The following ACOT12 variants were observed in gnomAD, a reference collection of about 807,000 sequenced individuals.
The protein encoded by ACOT12 is acetyl-coenzyme A thioesterase.
A neutral mutation model predicts 67.7 loss-of-function variants in ACOT12; 51 were observed. The observed-to-expected ratio is 0.75, with a 90% CI of 0.60 to 0.95. The LOEUF (loss-of-function observed/expected upper bound fraction) is 0.95. Ranked by LOEUF, ACOT12 falls within the 40% of genes least tolerant of loss-of-function variation. The probability of loss-of-function intolerance (pLI) is 0.00; values close to 1 mark genes in which losing one functional copy is unlikely to be tolerated. For synonymous variants in ACOT12, 251 were observed against 244.6 expected, an observed-to-expected ratio of 1.03 and a Z score of -0.24; for missense variants, 734 against 708.1, an observed-to-expected ratio of 1.04 and a Z score of -0.41.
At chr5:81,367,484 GATATT>G (rs1352827327) in intron 3 of ACOT12, among the ~76,000 whole-genome samples, 1 of 152,070 alleles carries the variant, frequency 6.6e-6, no homozygotes, top group Non-Finnish European at 1.5e-5. Context: ...TACTCAAAGG[GATATT>G]ATATTATTCG....
intron 4 of ACOT12, 135 bp downstream of exon 4, chr5:81,363,653 A>G: frequency 1.8e-6 from 1 of 569,284 alleles, no homozygotes; most frequent in East Asian, 3.2e-5. Flanking sequence ...TGCAATAAAT[A>G]TTGGTGAATA....
At chr5:81,321,177 G>A in the ACOT12 span, among the ~76,000 whole-genome samples, 1 of 152,138 alleles carries the variant, frequency 6.6e-6, no homozygotes. Flanking sequence ...GATTGCTTGA[G>A]CCTAGGAGGT....
the ACOT12 span, among the ~76,000 whole-genome samples, chr5:81,322,771 G>A: frequency 2.0e-5 from 3 of 152,176 alleles, no homozygotes; most frequent in Admixed American, 1.3e-4. Context: ...AGGCAAAGCA[G>A]AAGCAGGCAC....
At chr5:81,393,912 C>G (rs1760930802) in intron 1 of ACOT12, 76 bp downstream of exon 1, 16 of 873,246 alleles carry the variant, frequency 1.8e-5, no homozygotes, top group East Asian at 3.8e-5. Context: ...CGCCTTCCTA[C>G]CCCCCCCAGC....
intron 11 of ACOT12, among the ~76,000 whole-genome samples, chr5:81,337,966 C>A (rs781745857): frequency 6.6e-6 from 1 of 152,200 alleles, no homozygotes; most frequent in African/African-American, 2.4e-5. Context: ...TTGACTTATC[C>A]AATGTCAGGT....
intron 5 of ACOT12, among the ~76,000 whole-genome samples, chr5:81,353,609 C>A (rs1174794259): frequency 6.6e-6 from 1 of 152,168 alleles, no homozygotes; most frequent in African/African-American, 2.4e-5. Context: ...AAAATGCTTT[C>A]AAATTTTAAG....
intron 3 of ACOT12, among the ~76,000 whole-genome samples, chr5:81,365,080 G>A (rs1214660479): frequency 6.6e-6 from 1 of 152,270 alleles, no homozygotes; most frequent in Non-Finnish European, 1.5e-5. Flanking sequence ...CTGAAGCTTG[G>A]TCCTCAGGAT....
chr5:81,330,281 G>T lies in ACOT12; in HGVS notation c.*113C>A. 1.6e-6 allele frequency: 2 copies of T among 1,220,612 alleles called. No individual in the cohort carries two copies. Among genetic ancestry groups the T allele is most frequent in the Non-Finnish European group, 2.2e-6 (2 of 898,478 alleles). The allele number at this position is 1,220,612 out of a possible 1,614,324, so 75.6% of individuals were successfully genotyped here. On this transcript the variant is annotated 3_prime_UTR_variant, in exon 15 of 15. Transcript: ENST00000307624. Reference sequence around the variant, plus strand: ...TTTTTTAACTCCGTCACTGCATTTTGCTTAGGGTTATATTAAATTATTTTG... The same window carrying T: ...TTTTTTAACTCCGTCACTGCATTTTTCTTAGGGTTATATTAAATTATTTTG...
chr5:81,312,688 C>T, the ACOT12 span: 1 of 1,521,208 alleles, frequency 6.6e-7, no homozygotes, highest in African/African-American at 1.4e-5. Flanking sequence ...TCATGAGTTA[C>T]TACCTCATTG....
intron 5 of ACOT12, among the ~76,000 whole-genome samples, chr5:81,356,600 A>T (rs2153853231): frequency 6.6e-6 from 1 of 151,682 alleles, no homozygotes; most frequent in South Asian, 2.1e-4. Flanking sequence ...CTAAAACTGA[A>T]CTCATCATCT....
intron 11 of ACOT12, among the ~76,000 whole-genome samples, chr5:81,340,613 G>A (rs1235183743): frequency 6.6e-6 from 1 of 152,136 alleles, no homozygotes; most frequent in Non-Finnish European, 1.5e-5. Flanking sequence ...ACCTGCCTCG[G>A]CCTCCCAAAG....
At chr5:81,311,287 C>G in the ACOT12 span, 6 of 1,613,736 alleles carry the variant, frequency 3.7e-6, no homozygotes, top group Admixed American at 1.0e-4. Flanking sequence ...CAGGTGAGAT[C>G]TCTGGGCCTC....
chr5:81,323,897 C>CACATATATACAT, the ACOT12 span, among the ~76,000 whole-genome samples: 1 of 146,272 alleles, frequency 6.8e-6, no homozygotes, highest in South Asian at 2.1e-4. Flanking sequence ...TACATATATA[C>CACATATATACAT]GTATATATAC....
chr5:81,323,931 C>CAT, the ACOT12 span, among the ~76,000 whole-genome samples: 6 of 118,366 alleles, frequency 5.1e-5, no homozygotes, highest in African/African-American at 1.4e-4. Flanking sequence ...TGTATATATA[C>CAT]ATATATGTGT....
intron 11 of ACOT12, among the ~76,000 whole-genome samples, chr5:81,341,767 T>C (rs906305220): frequency 6.6e-6 from 1 of 152,166 alleles, no homozygotes; most frequent in African/African-American, 2.4e-5. Context: ...ATCCAAATGA[T>C]GTATGTCTCT....
downstream of ACOT12, among the ~76,000 whole-genome samples, chr5:81,325,878 A>G (rs995988175): frequency 2.6e-5 from 4 of 151,930 alleles, no homozygotes; most frequent in Non-Finnish European, 5.9e-5. Flanking sequence ...TGGCATGATC[A>G]TGGCTCACTG....
At chr5:81,331,083 G>T in intron 13 of ACOT12, 143 bp from the exon 14 acceptor site, 3 of 929,344 alleles carry the variant, frequency 3.2e-6, no homozygotes, top group South Asian at 2.7e-5. Context: ...GGTCTCATCA[G>T]AAAACACTCT....
In ACOT12 at chr5:81,345,874, G is replaced by A. The variant is rs1477174254; in HGVS notation, c.773+11C>T. On this transcript the variant is annotated intron_variant, in intron 7 of 14. Coordinates refer to ENST00000307624, the MANE Select transcript of ACOT12 (RefSeq NM_130767.3). ...TAAATTTCTTCATAGCAGCCTAAGG[G>A]CTCACTTTACCAGGTCTGAAATGTA... 1 of 1,613,350 alleles carries A rather than the reference G, an allele frequency of 6.2e-7. No homozygotes were observed. Among genetic ancestry groups the A allele is most frequent in the Non-Finnish European group, 8.5e-7 (1 of 1,179,550 alleles).
chr5:81,393,866 G>T, intron 1 of ACOT12, 122 bp downstream of exon 1: 1 of 1,104,094 alleles, frequency 9.1e-7, no homozygotes, highest in Non-Finnish European at 1.2e-6. Flanking sequence ...CCTATCCCTG[G>T]CTGCGCAGGG....
Sources: allele counts gnomAD v4.1 joint callset (sites outside exome capture counted in the v4.1 genomes callset), GRCh38; gene constraint gnomAD v4.1.1; transcripts MANE v1.5; gene names NCBI Gene and HGNC (gene_info 2026-07-23, HGNC 2026-07-21).